The following SGMS1 variants were observed in gnomAD, a reference collection of about 807,000 sequenced individuals.
SGMS1 encodes phosphatidylcholine:ceramide cholinephosphotransferase 1.
In SGMS1, 13 loss-of-function variants were observed where a neutral mutation model predicts 46.2. The observed-to-expected ratio is 0.28, with a 90% CI of 0.18 to 0.45. SGMS1 has a LOEUF of 0.45. Ranked by LOEUF, SGMS1 falls within the 20% of genes least tolerant of loss-of-function variation. SGMS1 has a pLI of 1.00. For missense variants in SGMS1, 324 were observed against 519.9 expected, an observed-to-expected ratio of 0.62 and a Z score of 3.66; for synonymous variants, 203 against 187.8, an observed-to-expected ratio of 1.08 and a Z score of -0.66.
At chr10:50,563,988 A>C (rs889132869) in intron 2 of SGMS1, among the ~76,000 whole-genome samples, 1 of 152,230 alleles carries the variant, frequency 6.6e-6, no homozygotes, top group African/African-American at 2.4e-5. Flanking sequence ...CGCCGCCTAG[A>C]GCCTGTGAGA....
intron 2 of SGMS1, among the ~76,000 whole-genome samples, chr10:50,577,472 C>T (rs567050377): frequency 1.3e-5 from 2 of 152,248 alleles, no homozygotes; most frequent in East Asian, 1.9e-4. Flanking sequence ...CCTTTCCTAA[C>T]GTGCAAGAAT....
chr10:50,623,332 C>T (rs1410077480), intron 1 of SGMS1, among the ~76,000 whole-genome samples: 3 of 152,128 alleles, frequency 2.0e-5, no homozygotes, highest in African/African-American at 4.8e-5. Context: ...CCCAAAGGCT[C>T]CCCGCCTCCC....
chr10:50,556,892 C>T (rs183220890), intron 2 of SGMS1, among the ~76,000 whole-genome samples: 15 of 152,284 alleles, frequency 9.9e-5, no homozygotes, highest in Non-Finnish European at 2.1e-4. Flanking sequence ...CCAACATTTC[C>T]GAGAACTGAG....
At chr10:50,394,921 A>G (rs1372546411) in intron 6 of SGMS1, among the ~76,000 whole-genome samples, 2 of 152,244 alleles carry the variant, frequency 1.3e-5, no homozygotes, top group Admixed American at 6.5e-5. Context: ...AACCAGATTA[A>G]CAAATCACTA....
chr10:50,503,264 C>T (rs541164521), intron 3 of SGMS1, among the ~76,000 whole-genome samples: 17 of 152,174 alleles, frequency 1.1e-4, no homozygotes, highest in Non-Finnish European at 2.2e-4. Flanking sequence ...CAGCAAAATG[C>T]TGTTTTTCTA....
intron 2 of SGMS1, among the ~76,000 whole-genome samples, chr10:50,579,757 C>T (rs1021798346): frequency 2.0e-5 from 3 of 152,046 alleles, no homozygotes; most frequent in African/African-American, 4.8e-5. Flanking sequence ...CTCCCAAATA[C>T]GGGAGTAAAC....
At chr10:50,549,545 G>A (rs2133830100) in intron 2 of SGMS1, among the ~76,000 whole-genome samples, 1 of 152,228 alleles carries the variant, frequency 6.6e-6, no homozygotes, top group Middle Eastern at 3.4e-3. Flanking sequence ...TGCCAGAGAG[G>A]GATGGTGGGG....
chr10:50,624,031 A>G, upstream of SGMS1: 1 of 985,348 alleles, frequency 1.0e-6, no homozygotes, highest in South Asian at 4.7e-5. Flanking sequence ...CCGGGTGTTC[A>G]CTGCGGCCGG....
chr10:50,561,901 C>A (rs1269471453), intron 2 of SGMS1, among the ~76,000 whole-genome samples: 2 of 152,098 alleles, frequency 1.3e-5, no homozygotes, highest in Admixed American at 6.5e-5. Context: ...ACACCCACTA[C>A]CCCACTCCCA....
intron 6 of SGMS1, among the ~76,000 whole-genome samples, chr10:50,384,228 C>T (rs1016454359): frequency 2.2e-4 from 34 of 152,138 alleles, no homozygotes; most frequent in African/African-American, 8.2e-4. Flanking sequence ...AAGATTTTTT[C>T]TTCCTTCACT....
chr10:50,547,779 T>C (rs1838114071), intron 2 of SGMS1, among the ~76,000 whole-genome samples: 1 of 152,102 alleles, frequency 6.6e-6, no homozygotes, highest in African/African-American at 2.4e-5. Context: ...TGAACATTGA[T>C]GCAAAAATCC....
At chr10:50,308,269 C>T in intron 9 of SGMS1, 121 bp from the exon 10 acceptor site, 1 of 846,890 alleles carries the variant, frequency 1.2e-6, no homozygotes, top group Non-Finnish European at 1.8e-6. Flanking sequence ...GAAAACAGAT[C>T]TAGTGAATCT....
chr10:50,436,875 T>C (rs1386611973), intron 5 of SGMS1, among the ~76,000 whole-genome samples: 4 of 152,196 alleles, frequency 2.6e-5, no homozygotes, highest in Non-Finnish European at 4.4e-5. Flanking sequence ...TTGGGCTTCC[T>C]CTATGGGAGA....
At chr10:50,384,979 T>C (rs1203410064) in intron 6 of SGMS1, among the ~76,000 whole-genome samples, 2 of 152,186 alleles carry the variant, frequency 1.3e-5, no homozygotes, top group Non-Finnish European at 2.9e-5. Context: ...CCCACAATTA[T>C]TTAGTGTCCC....
intron 2 of SGMS1, among the ~76,000 whole-genome samples, chr10:50,531,922 C>T (rs1349043595): frequency 1.3e-5 from 2 of 152,190 alleles, no homozygotes; most frequent in Non-Finnish European, 2.9e-5. Context: ...AACCAGCATG[C>T]AAGTGGTCAA....
Position 50,554,544 on chromosome 10 carries a change from G to A in SGMS1, c.-588-34623C>T, listed in dbSNP as rs1428576638. Among the ~76,000 whole-genome samples the A allele has an allele frequency of 7.2e-5, 11 of 152,112 alleles. No homozygotes were observed. The South Asian group carries it at 1.0e-3, about 14-fold the overall frequency. On this transcript the variant is annotated intron_variant, in intron 2 of 10. Coordinates refer to ENST00000361781, the MANE Select transcript of SGMS1 (RefSeq NM_147156.4). Reference sequence around the variant, plus strand: ...TTCCCTGCTAGTGCAAGTGGGAAGCGGCCTCTCAGCCCAAGCCAGCTGCTG... The same window carrying A: ...TTCCCTGCTAGTGCAAGTGGGAAGCAGCCTCTCAGCCCAAGCCAGCTGCTG...
chr10:50,419,207 G>T (rs189811145), intron 6 of SGMS1, among the ~76,000 whole-genome samples: 2 of 152,266 alleles, frequency 1.3e-5, no homozygotes, highest in East Asian at 3.9e-4. Flanking sequence ...ATGTAACAAT[G>T]CATGCAAAGC....
Position 50,359,047 on chromosome 10 carries a change from A to G in SGMS1, c.-231-14702T>C, listed in dbSNP as rs575045072. On this transcript the variant is annotated intron_variant, in intron 6 of 10. Transcript: ENST00000361781. ...ATTGCTATTACATGCTGTGCTCAGA[A>G]TTCCACAGTCCAACTCTGGTTAGCA... 2.6e-5 allele frequency among the ~76,000 whole-genome samples: 4 copies of G among 152,358 alleles called. No homozygotes were observed. The South Asian group carries it at 8.3e-4, about 32-fold the overall frequency.
intron 3 of SGMS1, among the ~76,000 whole-genome samples, chr10:50,470,679 A>G (rs1389829588): frequency 2.0e-5 from 3 of 152,076 alleles, no homozygotes; most frequent in Admixed American, 2.0e-4. Context: ...TACCTTTTCT[A>G]GATTAAAAGA....
Sources: allele counts gnomAD v4.1 joint callset (sites outside exome capture counted in the v4.1 genomes callset), GRCh38; gene constraint gnomAD v4.1.1; transcripts MANE v1.5; gene names NCBI Gene and HGNC (gene_info 2026-07-23, HGNC 2026-07-21).